Variants in TRAF3IP1 observed in about 807,000 individuals in gnomAD.
TRAF3IP1 encodes the protein TRAF3-interacting protein 1.
A neutral mutation model predicts 89.9 loss-of-function variants in TRAF3IP1; 53 were observed. The observed-to-expected ratio is 0.59, with a 90% confidence interval of 0.47 to 0.74. The LOEUF (loss-of-function observed/expected upper bound fraction) is 0.74, where lower values mean the gene tolerates loss of function less well. Among genes scored for constraint, TRAF3IP1 ranks in the 30% least tolerant of loss-of-function variants. The pLI, the probability that TRAF3IP1 is intolerant of heterozygous loss-of-function variation, is 0.00. For missense variants in TRAF3IP1, 806 were observed against 866.1 expected (o/e 0.93, Z 0.87); for synonymous variants, 311 against 322.1 (o/e 0.97, Z 0.37).
At position 238,351,895 on chromosome 2, in the gene TRAF3IP1, TTGTG is replaced by T. The variant is rs1234168573; in HGVS notation, c.1452-928_1452-925del. 1.3e-5 allele frequency among the ~76,000 whole-genome samples: 2 copies of T among 148,490 alleles called. No individual in the cohort carries two copies. Among genetic ancestry groups the T allele is most frequent in the Non-Finnish European group, 3.0e-5 (2 of 66,884 alleles). ...CGCGCGCGCGTGTGCGTGCATGTGCTTGTGTGTATGCGTGTGTGTGTGTGTGTGT... is the reference window on the plus strand; with the variant it reads ...CGCGCGCGCGTGTGCGTGCATGTGCTTGTATGCGTGTGTGTGTGTGTGTGT... On this transcript the variant is annotated intron_variant, in intron 12 of 16. Coordinates refer to ENST00000373327, the MANE Select transcript of TRAF3IP1 (RefSeq NM_015650.4). The surrounding 1 kb of genome is among the most constrained non-coding windows in gnomAD (Gnocchi z 5.2).
intron 15 of TRAF3IP1, among the ~76,000 whole-genome samples, chr2:238,392,468 C>T (rs960374974): frequency 6.6e-6 from 1 of 152,178 alleles, no homozygotes; most frequent in African/African-American, 2.4e-5. Flanking sequence ...TTTCCAGAAT[C>T]TTGTGTAAAA....
chr2:238,352,968 T>C lies in TRAF3IP1; in HGVS notation c.1575+18T>C, dbSNP rs1156541546. 3.1e-6 allele frequency: 5 copies of C among 1,598,942 alleles called. No homozygotes were observed. The highest frequency in any genetic ancestry group is 1.8e-5 in the Admixed American group (1 of 56,606). On this transcript the variant is annotated intron_variant, in intron 13 of 16. Coordinates refer to ENST00000373327, the MANE Select transcript of TRAF3IP1 (RefSeq NM_015650.4). The stretch of plus-strand genomic sequence containing the variant: ...TTGAAATGGTTAGTTAACCGAAATA[T>C]GATGTTTTTTAATAATAATGTTTTA...
chr2:238,379,603 C>G lies in TRAF3IP1; in HGVS notation c.1690-17856C>G, dbSNP rs1190026062. Among the ~76,000 whole-genome samples the G allele has an allele frequency of 6.6e-6, 1 of 152,178 alleles. No homozygotes were observed. The highest frequency in any genetic ancestry group is 1.5e-5 in the Non-Finnish European group (1 of 68,038). ...TAATTCTGTGACACGTGTTTTCTGC[C>G]GAGGACCTCTGACCTCATGGCCACT... is the stretch of plus-strand genomic sequence containing the variant. On this transcript the variant is annotated intron_variant, in intron 15 of 16. Transcript: ENST00000373327. This position sits in a 1 kb window ranked among gnomAD's most constrained non-coding sequence, Gnocchi z 4.0.
rs751263329 is a variant in TRAF3IP1 at position 238,349,438 on chromosome 2, C to T, written c.1451+30C>T. The T allele has an allele frequency of 1.9e-6, 3 of 1,605,152 alleles. No individual in the cohort carries two copies. The Admixed American group carries it at 5.0e-5, about 27-fold the overall frequency. On this transcript the variant is annotated intron_variant, in intron 12 of 16. Coordinates refer to ENST00000373327, the MANE Select transcript of TRAF3IP1 (RefSeq NM_015650.4). ...GGCTGGCTCAGCAGGGCAGTTCCAG[C>T]CACACAGTGTGTTCTCCAGTGGGCA...
Position 238,320,616 on chromosome 2 carries a change from C to T in TRAF3IP1, c.-47C>T. The T allele has an allele frequency of 8.1e-7, 1 of 1,228,716 alleles. No homozygotes were observed. The allele number at this position is 1,228,716 out of a possible 1,614,324, so 76.1% of individuals were successfully genotyped here. ...CCAGGGACCCGGGCTTAGGCTCGGC[C>T]AGGCCGGCTGAGGGGCGCGGGCGGC... On this transcript the variant is annotated 5_prime_UTR_variant, in exon 1 of 17. Coordinates refer to ENST00000373327, the MANE Select transcript of TRAF3IP1 (RefSeq NM_015650.4).
intron 15 of TRAF3IP1, among the ~76,000 whole-genome samples, chr2:238,383,416 A>G (rs920280738): frequency 3.3e-5 from 5 of 152,110 alleles, no homozygotes; most frequent in Non-Finnish European, 4.4e-5. Context: ...ACTACCTATT[A>G]ATGAACAATC....
intron 15 of TRAF3IP1, among the ~76,000 whole-genome samples, chr2:238,373,798 T>C (rs1458872655): frequency 1.3e-5 from 2 of 152,206 alleles, no homozygotes; most frequent in African/African-American, 4.8e-5. Context: ...TTGTGTCTTC[T>C]TTTATTTAGT....
chr2:238,396,092 C>T (rs144591331), intron 15 of TRAF3IP1, among the ~76,000 whole-genome samples: 1,951 of 151,846 alleles, frequency 0.013, 17 homozygotes, highest in African/African-American at 0.02. Flanking sequence ...ATGTTTATTG[C>T]GGCACTATTC....
In TRAF3IP1 at chr2:238,355,487, C is replaced by T. The variant is rs140646009; in HGVS notation, c.1613-517C>T. ...ACCATCCTCATTTCCTTCATAGCCA[C>T]GTCGTCCTCCACCGTGTGGACGTAC... On this transcript the variant is annotated intron_variant, in intron 14 of 16. Coordinates refer to ENST00000373327, the MANE Select transcript of TRAF3IP1 (RefSeq NM_015650.4). 1.0e-3 allele frequency among the ~76,000 whole-genome samples: 154 copies of T among 152,386 alleles called. 2 individuals are homozygous for T. Among genetic ancestry groups the T allele is most frequent in the African/African-American group, 3.5e-3 (144 of 41,592 alleles).
At chr2:238,355,091 T>C (rs1699350494) in intron 14 of TRAF3IP1, among the ~76,000 whole-genome samples, 1 of 152,256 alleles carries the variant, frequency 6.6e-6, no homozygotes, top group Admixed American at 6.5e-5. Flanking sequence ...TCACTAAGTT[T>C]ATTTCATTTT....
intron 15 of TRAF3IP1, among the ~76,000 whole-genome samples, chr2:238,368,677 A>G (rs1699983581): frequency 6.6e-6 from 1 of 152,096 alleles, no homozygotes; most frequent in African/African-American, 2.4e-5. Context: ...TGTTATTAAT[A>G]ATTTTTTTTT....
intron 15 of TRAF3IP1, among the ~76,000 whole-genome samples, chr2:238,392,134 G>A (rs1559397379): frequency 6.6e-6 from 1 of 152,202 alleles, no homozygotes; most frequent in East Asian, 1.9e-4. Context: ...ACTTTGGCAG[G>A]CTGAGGCAGG....
At chr2:238,356,189 T>C in intron 15 of TRAF3IP1, 109 bp downstream of exon 15, 2 of 922,580 alleles carry the variant, frequency 2.2e-6, no homozygotes, top group Non-Finnish European at 3.4e-6. Flanking sequence ...CAGTGATGTC[T>C]GTTTGCATAT....
intron 15 of TRAF3IP1, among the ~76,000 whole-genome samples, chr2:238,360,236 G>A (rs1009155330): frequency 6.6e-6 from 1 of 152,210 alleles, no homozygotes; most frequent in African/African-American, 2.4e-5. Context: ...AACTGAAACT[G>A]CAGAAAGTGA....
chr2:238,332,891 C>A lies in TRAF3IP1; in HGVS notation c.983C>A (p.Thr328Lys). 1 of 1,608,294 alleles carries A rather than the reference C, an allele frequency of 6.2e-7. No homozygotes were observed. Among genetic ancestry groups the A allele is most frequent in the South Asian group, 1.1e-5 (1 of 90,770 alleles). Residue 328 changes from threonine (T) to lysine (K), a missense_variant, in exon 6 of 17, where the codon ACA becomes AAA. This residue lies in a region of TRAF3IP1 where 732 missense variants were observed against 780.5 expected (regional missense o/e 0.94). Transcript: ENST00000373327. ...DGTFKDSKAE[T>K]ETEISTRASK... ...ACTTTTAAAGACTCCAAGGCTGAAACAGAGGTAAACTTTAAAAAATAACTT... is the reference window on the plus strand; with the variant it reads ...ACTTTTAAAGACTCCAAGGCTGAAAAAGAGGTAAACTTTAAAAAATAACTT...
intron 5 of TRAF3IP1, among the ~76,000 whole-genome samples, chr2:238,330,748 G>A (rs1004739297): frequency 2.0e-5 from 3 of 152,206 alleles, no homozygotes; most frequent in African/African-American, 7.2e-5. Context: ...CAGTGGGATG[G>A]GGGGTGCCTA....
intron 15 of TRAF3IP1, among the ~76,000 whole-genome samples, chr2:238,366,825 A>G (rs1340941770): frequency 6.6e-6 from 1 of 152,204 alleles, no homozygotes; most frequent in African/African-American, 2.4e-5. Context: ...ACTGTGACAC[A>G]TTAATGGATA....
chr2:238,391,843 G>A (rs752186886), intron 15 of TRAF3IP1, among the ~76,000 whole-genome samples: 1 of 152,122 alleles, frequency 6.6e-6, no homozygotes, highest in African/African-American at 2.4e-5. Flanking sequence ...AAATGCACAG[G>A]AATTACTTGA....
chr2:238,350,809 A>G (rs1179897158), intron 12 of TRAF3IP1, among the ~76,000 whole-genome samples: 1 of 152,000 alleles, frequency 6.6e-6, no homozygotes, highest in African/African-American at 2.4e-5. Context: ...CTGCAGCTGC[A>G]GTTGGCTACA....
Sources: allele counts gnomAD v4.1 joint callset (sites outside exome capture counted in the v4.1 genomes callset), GRCh38; gene constraint gnomAD v4.1.1; regional missense constraint gnomAD v4.1.1; non-coding constraint Gnocchi (gnomAD v3.1); transcripts MANE v1.5; gene names NCBI Gene and HGNC (gene_info 2026-07-23, HGNC 2026-07-21).